The following HAPLN2 variants were observed in gnomAD, a reference collection of about 807,000 sequenced individuals.
The protein encoded by HAPLN2 is brain link protein-1.
In HAPLN2, 27 loss-of-function variants were observed where a neutral mutation model predicts 29.3. The observed-to-expected ratio is 0.92, with a 90% CI of 0.68 to 1.27. HAPLN2 has a LOEUF of 1.27. Ranked by LOEUF, HAPLN2 falls within the 50% of genes most tolerant of loss-of-function variation. The pLI is 0.00. For synonymous variants in HAPLN2, 208 were observed against 211.7 expected (o/e 0.98, Z 0.15); for missense variants, 454 against 484.3 (o/e 0.94, Z 0.59).
chr1:156,608,422 C>T, the HAPLN2 span, among the ~76,000 whole-genome samples: 1 of 152,198 alleles, frequency 6.6e-6, no homozygotes, highest in African/African-American at 2.4e-5. Context: ...TCATTGTCTC[C>T]TTTAAAACCT....
the HAPLN2 span, among the ~76,000 whole-genome samples, chr1:156,611,138 C>G: frequency 1.3e-5 from 2 of 151,878 alleles, no homozygotes; most frequent in Admixed American, 6.6e-5. Flanking sequence ...CAAAAATCAG[C>G]TAGGCATGGT....
At chr1:156,622,029 AG>A (rs1678246001) in intron 2 of HAPLN2, among the ~76,000 whole-genome samples, 1 of 152,124 alleles carries the variant, frequency 6.6e-6, no homozygotes, top group African/African-American at 2.4e-5. Context: ...CATTTGAAGT[AG>A]TTTTTAAAAA....
chr1:156,623,331 A>G (rs1240048444), intron 2 of HAPLN2, 136 bp from the exon 3 acceptor site: 1 of 651,466 alleles, frequency 1.5e-6, no homozygotes, highest in Admixed American at 2.9e-5. Context: ...TTTGTCACCA[A>G]CCCCTTTTCT....
intron 2 of HAPLN2, among the ~76,000 whole-genome samples, chr1:156,621,571 T>C (rs1319319057): frequency 6.6e-6 from 1 of 151,862 alleles, no homozygotes; most frequent in African/African-American, 2.4e-5. Context: ...ACCCTGTTTC[T>C]ACTACAAATA....
rs1484841944 is a variant in HAPLN2, at chr1:156,624,704, G to C, written c.660G>C (p.Arg220=). 2 of 1,592,120 alleles carry C rather than the reference G, an allele frequency of 1.3e-6. No homozygotes were observed. Among genetic ancestry groups the C allele is most frequent in the South Asian group, 2.2e-5 (2 of 89,384 alleles). Residue 220 remains arginine, a synonymous_variant, in exon 6 of 7, where the codon CGG becomes CGC. Coordinates refer to ENST00000255039, the MANE Select transcript of HAPLN2 (RefSeq NM_021817.3). ...TARAPCGGRG[R]PGIRSYGPRD... is the part of the protein sequence containing the mutation. ...GCGCCCCGTGCGGCGGCCGAGGCCG[G>C]CCCGGGATCCGCAGCTACGGACCCC...
chr1:156,617,601 G>A (rs553446330), upstream of HAPLN2, among the ~76,000 whole-genome samples: 4 of 151,034 alleles, frequency 2.6e-5, no homozygotes, highest in East Asian at 5.8e-4. Context: ...CGCCCACTTC[G>A]GCCTCCCAAA....
At chr1:156,606,425 A>C in the HAPLN2 span, among the ~76,000 whole-genome samples, 1 of 128,046 alleles carries the variant, frequency 7.8e-6, no homozygotes, top group Non-Finnish European at 1.6e-5. Context: ...ACTCTGTCTA[A>C]AAAAAAAAAA....
In HAPLN2 at chr1:156,623,447, C is replaced by T. The variant is rs1384163639; in HGVS notation, c.-24-20C>T. 8.1e-6 allele frequency: 13 copies of T among 1,606,180 alleles called. No homozygotes were observed. Among genetic ancestry groups the T allele is most frequent in the Non-Finnish European group, 1.0e-5 (12 of 1,175,078 alleles). On this transcript the variant is annotated intron_variant, in intron 2 of 6. Coordinates refer to ENST00000255039, the MANE Select transcript of HAPLN2 (RefSeq NM_021817.3). ...CTTTTGCCCCAGTCCTAAGAACTGC[C>T]CACTCTTTGTGCCCTGCAGACGGTG... is the stretch of plus-strand genomic sequence containing the variant.
chr1:156,618,319 A>AAG (rs1195287878), upstream of HAPLN2, among the ~76,000 whole-genome samples: 2 of 150,340 alleles, frequency 1.3e-5, no homozygotes. Context: ...AAAAAAAAAA[A>AAG]AAAAAAGTTA....
In HAPLN2 at chr1:156,625,014, G is replaced by A; in HGVS notation, c.740-87G>A. On this transcript the variant is annotated intron_variant, in intron 6 of 6. Coordinates refer to ENST00000255039, the MANE Select transcript of HAPLN2 (RefSeq NM_021817.3). This position sits in a 1 kb window ranked among gnomAD's most constrained non-coding sequence, Gnocchi z 5.7. ...CCAAGCTCGATCCAGCACCTCTGCG[G>A]TCCCGCACCCCAACTCCGCCTCCTG... The A allele has an allele frequency of 5.5e-6, 8 of 1,463,554 alleles. No individual in the cohort carries two copies. The highest frequency in any genetic ancestry group is 7.3e-6 in the Non-Finnish European group (8 of 1,098,542). 90.7% of individuals were successfully genotyped at this position (1,463,554 alleles called of 1,614,324 possible). A position where few individuals can be genotyped will look rare whatever the true frequency, so the allele number is the denominator to read the frequency against.
chr1:156,614,510 G>C (rs1044995750), upstream of HAPLN2, among the ~76,000 whole-genome samples: 1 of 152,112 alleles, frequency 6.6e-6, no homozygotes, highest in Non-Finnish European at 1.5e-5. Flanking sequence ...GTGTGAACAC[G>C]GCACCCAGCC....
chr1:156,608,167 GA>G, the HAPLN2 span, among the ~76,000 whole-genome samples: 2 of 152,240 alleles, frequency 1.3e-5, no homozygotes, highest in Non-Finnish European at 2.9e-5. Flanking sequence ...ATATTGCCCA[GA>G]TTTGTGCTTA....
chr1:156,609,965 C>T, the HAPLN2 span, among the ~76,000 whole-genome samples: 1 of 152,220 alleles, frequency 6.6e-6, no homozygotes, highest in East Asian at 1.9e-4. Context: ...CCTGTAATCC[C>T]AGCACTTTGG....
the HAPLN2 span, among the ~76,000 whole-genome samples, chr1:156,603,254 C>T: frequency 6.7e-6 from 1 of 149,836 alleles, no homozygotes; most frequent in African/African-American, 2.5e-5. Context: ...CCTGTGTTTC[C>T]CAGGCTGGCC....
Position 156,624,155 on chromosome 1 carries a change from TG to T in HAPLN2, c.436del (p.Glu146ArgfsTer111). 6.2e-7 allele frequency: 1 copy of T among 1,612,806 alleles called. No homozygotes were observed. Among genetic ancestry groups the T allele is most frequent in the Non-Finnish European group, 8.5e-7 (1 of 1,179,600 alleles). ...EDESVALTLS[L>X]EGVVFPYQPS... ...GAGAGCGTGGCGCTGACCTTGAGCTTGGAGGGTGAGGCCCTTCCGCTCCCGC... is the reference window on the plus strand; with the variant it reads ...GAGAGCGTGGCGCTGACCTTGAGCTTGAGGGTGAGGCCCTTCCGCTCCCGC... On this transcript the variant is annotated frameshift_variant, in exon 4 of 7. Coordinates refer to ENST00000255039, the MANE Select transcript of HAPLN2 (RefSeq NM_021817.3). LOFTEE classifies it high-confidence loss of function.
At position 156,624,481 on chromosome 1, in the gene HAPLN2, C is replaced by CCCAG; in HGVS notation, c.556+16_556+19dup. The CCCAG allele has an allele frequency of 5.0e-6, 8 of 1,610,640 alleles. No homozygotes were observed. Among genetic ancestry groups the CCCAG allele is most frequent in the Non-Finnish European group, 5.1e-6 (6 of 1,177,950 alleles). On this transcript the variant is annotated intron_variant, in intron 5 of 6. Coordinates refer to ENST00000255039, the MANE Select transcript of HAPLN2 (RefSeq NM_021817.3). Reference sequence around the variant, plus strand: ...AGCTCTACCAGGGTGAGCGGCCGAACCCAGCACTTCCCAAGCCCCGCGGAG... The same window carrying CCCAG: ...AGCTCTACCAGGGTGAGCGGCCGAACCCAGCCAGCACTTCCCAAGCCCCGCGGAG...
chr1:156,617,672 C>T (rs1254480105), upstream of HAPLN2, among the ~76,000 whole-genome samples: 1 of 135,664 alleles, frequency 7.4e-6, no homozygotes, highest in Non-Finnish European at 1.6e-5. Flanking sequence ...TTTTTTAACT[C>T]ACAGAACATG....
chr1:156,603,341 C>T, the HAPLN2 span, among the ~76,000 whole-genome samples: 5 of 151,780 alleles, frequency 3.3e-5, no homozygotes, highest in African/African-American at 1.2e-4. Flanking sequence ...GCCACTGTGC[C>T]GGGGCAAACT....
chr1:156,601,561 T>G, the HAPLN2 span: 19 of 1,152,240 alleles, frequency 1.6e-5, no homozygotes, highest in Middle Eastern at 2.1e-4. Context: ...GAGAAACCAT[T>G]GCGGAGCCCA....
Sources: allele counts gnomAD v4.1 joint callset (sites outside exome capture counted in the v4.1 genomes callset), GRCh38; gene constraint gnomAD v4.1.1; non-coding constraint Gnocchi (gnomAD v3.1); transcripts MANE v1.5; gene names NCBI Gene and HGNC (gene_info 2026-07-23, HGNC 2026-07-21).